Variants in GALNT10 observed in about 807,000 individuals in gnomAD.
GALNT10 encodes GalNAc transferase 10.
GALNT10 carries 41 observed loss-of-function variants against 75.0 expected under a neutral mutation model. That is an observed-to-expected ratio of 0.55 (90% CI 0.43 to 0.71). GALNT10 has a LOEUF of 0.71. Among genes scored for constraint, GALNT10 ranks in the 30% least tolerant of loss-of-function variants. The pLI is 0.00. For synonymous variants in GALNT10, 302 were observed against 313.0 expected (o/e 0.96, Z 0.37); for missense variants, 727 against 818.5 (o/e 0.89, Z 1.36).
chr5:154,203,090 T>TCCC, intron 1 of GALNT10, among the ~76,000 whole-genome samples: 1 of 152,208 alleles, frequency 6.6e-6, no homozygotes, highest in East Asian at 1.9e-4. Context: ...TTTCTTTTGT[T>TCCC]CTCTGTAGCA....
At chr5:154,238,613 C>T (rs999345740) in intron 1 of GALNT10, among the ~76,000 whole-genome samples, 2 of 152,100 alleles carry the variant, frequency 1.3e-5, no homozygotes, top group African/African-American at 4.8e-5. Flanking sequence ...TGCGGTGCTT[C>T]GAAGAACTCC....
In GALNT10 at chr5:154,409,732, C is replaced by T. The variant is rs142666444; in HGVS notation, c.1356C>T (p.Pro452=). ...GGGACCTGCCCAAATTCTACCCACCCGTGGAGCCCCCGGCTGCAGCTTGGG... is the reference window on the plus strand; with the variant it reads ...GGGACCTGCCCAAATTCTACCCACCTGTGGAGCCCCCGGCTGCAGCTTGGG... ...IAWDLPKFYP[P]VEPPAAAWGE... The change falls in exon 9 of 12, where the codon CCC becomes CCT. Residue 452 remains proline, a synonymous_variant. Coordinates refer to ENST00000297107, the MANE Select transcript of GALNT10 (RefSeq NM_198321.4). This position sits in a 1 kb window ranked among gnomAD's most constrained non-coding sequence, Gnocchi z 4.5. 2,691 of 1,613,926 alleles carry T rather than the reference C, an allele frequency of 1.7e-3. 6 individuals are homozygous for T. The highest frequency in any genetic ancestry group is 2.1e-3 in the Admixed American group (126 of 60,024).
rs1020109208 is a variant in GALNT10 at position 154,386,421 on chromosome 5, C to A, written c.1047C>A (p.Ile349=). The change falls in exon 7 of 12, where the codon ATC becomes ATA. Residue 349 remains isoleucine, a synonymous_variant. Transcript: ENST00000297107. ...LEIWGGEQYE[I]SFKVWMCGGR... ...TCTGGGGAGGGGAGCAGTATGAAATCTCCTTCAAGGTGAGCCAGCTCTCCA... is the reference window on the plus strand; with the variant it reads ...TCTGGGGAGGGGAGCAGTATGAAATATCCTTCAAGGTGAGCCAGCTCTCCA... 5.6e-6 allele frequency: 9 copies of A among 1,605,102 alleles called. No homozygotes were observed. Among genetic ancestry groups the A allele is most frequent in the Non-Finnish European group, 6.8e-6 (8 of 1,171,742 alleles).
intron 1 of GALNT10, among the ~76,000 whole-genome samples, chr5:154,217,737 C>G (rs1752897297): frequency 6.6e-6 from 1 of 152,216 alleles, no homozygotes; most frequent in Non-Finnish European, 1.5e-5. Flanking sequence ...TAAGGAAGGC[C>G]TGAGTTGAAT....
intron 5 of GALNT10, among the ~76,000 whole-genome samples, chr5:154,377,966 G>A (rs1017981613): frequency 6.6e-6 from 1 of 152,134 alleles, no homozygotes; most frequent in African/African-American, 2.4e-5. Flanking sequence ...GGTGGGGCTC[G>A]AAGCTGAGCT....
In GALNT10 at chr5:154,416,706, C is replaced by G. The variant is rs946391455; in HGVS notation, c.1654-108C>G. ...GGAAAACCAACAGGTGTATGAACAG[C>G]TAGTCAGTCAGTCACTTCCTCACTT... On this transcript the variant is annotated intron_variant, in intron 11 of 11. Coordinates refer to ENST00000297107, the MANE Select transcript of GALNT10 (RefSeq NM_198321.4). This position sits in a 1 kb window ranked among gnomAD's most constrained non-coding sequence, Gnocchi z 4.5. 9 of 810,258 alleles carry G rather than the reference C, an allele frequency of 1.1e-5. No individual in the cohort carries two copies. The African/African-American group carries it at 1.5e-4, about 14-fold the overall frequency. The allele number at this position is 810,258 out of a possible 1,614,324, so 50.2% of individuals were successfully genotyped here. A position where few individuals can be genotyped will look rare whatever the true frequency, so the allele number is the denominator to read the frequency against.
In GALNT10 at chr5:154,376,561, C is replaced by T; in HGVS notation, c.754+99C>T. ...GGAGCCATCCATAAGCCTTCCCTTG[C>T]CTGTTCGAGATGCCCCCAGCACAAT... On this transcript the variant is annotated intron_variant, in intron 5 of 11. Coordinates refer to ENST00000297107, the MANE Select transcript of GALNT10 (RefSeq NM_198321.4). The surrounding 1 kb of genome is among the most constrained non-coding windows in gnomAD (Gnocchi z 4.1). The T allele has an allele frequency of 1.2e-6, 1 of 806,220 alleles. No homozygotes were observed. Among genetic ancestry groups the T allele is most frequent in the South Asian group, 2.0e-5 (1 of 51,104 alleles). 49.9% of individuals were successfully genotyped at this position (806,220 alleles called of 1,614,324 possible). A position where few individuals can be genotyped will look rare whatever the true frequency, so the allele number is the denominator to read the frequency against.
chr5:154,409,659 G>C lies in GALNT10; in HGVS notation c.1283G>C (p.Ser428Thr), dbSNP rs1756356140. ...GDVAVQKKLR[S>T]SLNCKSFKWF... The stretch of plus-strand genomic sequence containing the variant: ...GTCGCAGTCCAGAAAAAGCTCCGCA[G>C]CTCCCTTAACTGCAAGAGTTTCAAG... Residue 428 changes from serine to threonine, a missense_variant, in exon 9 of 12, where the codon AGC becomes ACC. Coordinates refer to ENST00000297107, the MANE Select transcript of GALNT10 (RefSeq NM_198321.4). This position sits in a 1 kb window ranked among gnomAD's most constrained non-coding sequence, Gnocchi z 4.5. 5.0e-6 allele frequency: 8 copies of C among 1,614,064 alleles called. No homozygotes were observed. The highest frequency in any genetic ancestry group is 6.8e-6 in the Non-Finnish European group (8 of 1,179,896).
intron 1 of GALNT10, among the ~76,000 whole-genome samples, chr5:154,194,071 G>A (rs931004210): frequency 6.6e-6 from 1 of 152,212 alleles, no homozygotes; most frequent in African/African-American, 2.4e-5. Flanking sequence ...TCATATTCCA[G>A]GTTTGGGACA....
At chr5:154,349,921 C>T (rs1755181871) in intron 4 of GALNT10, among the ~76,000 whole-genome samples, 1 of 152,152 alleles carries the variant, frequency 6.6e-6, no homozygotes, top group Non-Finnish European at 1.5e-5. Flanking sequence ...CCACTAGCCA[C>T]ACATGGCTAT....
intron 1 of GALNT10, among the ~76,000 whole-genome samples, chr5:154,202,748 C>G (rs1348971370): frequency 6.6e-6 from 1 of 152,218 alleles, no homozygotes; most frequent in Non-Finnish European, 1.5e-5. Flanking sequence ...ACCCATAACT[C>G]TTCCTGCCAC....
chr5:154,294,167 C>G (rs377298863), intron 1 of GALNT10, among the ~76,000 whole-genome samples: 1 of 152,042 alleles, frequency 6.6e-6, no homozygotes, highest in African/African-American at 2.4e-5. Context: ...TAGGGTGACC[C>G]CTATCACTAC....
chr5:154,212,777 G>A (rs771435940), intron 1 of GALNT10, among the ~76,000 whole-genome samples: 31 of 152,152 alleles, frequency 2.0e-4, no homozygotes, highest in South Asian at 1.5e-3. Flanking sequence ...GACCATCCTG[G>A]CTAACAGGGT....
intron 1 of GALNT10, among the ~76,000 whole-genome samples, chr5:154,207,799 C>T (rs1375301187): frequency 1.3e-5 from 2 of 152,152 alleles, no homozygotes; most frequent in African/African-American, 4.8e-5. Context: ...TTCCTGGCCC[C>T]AGGAGTGGGG....
chr5:154,394,342 G>T (rs1165989575), intron 7 of GALNT10, among the ~76,000 whole-genome samples: 1 of 108,860 alleles, frequency 9.2e-6, no homozygotes, highest in Non-Finnish European at 1.7e-5. Context: ...AAAAAACTCT[G>T]ATTTTTTTTT....
intron 3 of GALNT10, among the ~76,000 whole-genome samples, chr5:154,312,783 T>C (rs1484505539): frequency 1.3e-5 from 2 of 152,208 alleles, no homozygotes; most frequent in African/African-American, 4.8e-5. Flanking sequence ...CATTTCCTTC[T>C]AAGGAATGTT....
At chr5:154,204,372 T>A (rs1026056900) in intron 1 of GALNT10, among the ~76,000 whole-genome samples, 1 of 152,212 alleles carries the variant, frequency 6.6e-6, no homozygotes, top group African/African-American at 2.4e-5. Flanking sequence ...TCCTGGCTCC[T>A]CTCCTACCTC....
At chr5:154,370,722 G>A (rs1447225540) in intron 4 of GALNT10, among the ~76,000 whole-genome samples, 1 of 152,152 alleles carries the variant, frequency 6.6e-6, no homozygotes, top group East Asian at 1.9e-4. Context: ...CAAGAGCCAG[G>A]GGAAGCCATT....
intron 1 of GALNT10, among the ~76,000 whole-genome samples, chr5:154,207,612 C>T (rs1775131276): frequency 6.6e-6 from 1 of 152,154 alleles, no homozygotes; most frequent in Non-Finnish European, 1.5e-5. Context: ...AAAAGGCTCC[C>T]TGAAGGAGGG....
Sources: gnomAD v4.1 joint callset for allele counts (sites outside exome capture counted in the v4.1 genomes callset) on GRCh38, gnomAD v4.1.1 for gene constraint, Gnocchi (gnomAD v3.1) non-coding constraint, MANE v1.5 for transcripts, NCBI Gene and HGNC (gene_info 2026-07-23, HGNC 2026-07-21) for gene names.